The following PTPRN2 variants were observed in gnomAD, a reference collection of about 807,000 sequenced individuals.
The protein encoded by PTPRN2 is receptor-type tyrosine-protein phosphatase N2.
Under a neutral mutation model 118.8 loss-of-function variants are expected in PTPRN2, and 74 were observed. That is an observed-to-expected ratio of 0.62 (90% CI 0.52 to 0.76). The LOEUF is 0.76. Ranked by LOEUF, PTPRN2 falls within the 30% of genes least tolerant of loss-of-function variation. The pLI is 0.00. For synonymous variants in PTPRN2, 641 were observed against 608.0 expected (o/e 1.05, Z -0.80); for missense variants, 1,481 against 1,394.4 (o/e 1.06, Z -0.99).
chr7:157,561,442 C>T (rs922917254), intron 21 of PTPRN2, among the ~76,000 whole-genome samples: 8 of 152,270 alleles, frequency 5.3e-5, no homozygotes, highest in Non-Finnish European at 7.3e-5. Flanking sequence ...GAAGCTGCCC[C>T]TCTGTCCCTG....
intron 2 of PTPRN2, among the ~76,000 whole-genome samples, chr7:158,332,391 TCA>T (rs1804663857): frequency 7.8e-6 from 1 of 128,488 alleles, no homozygotes; most frequent in African/African-American, 2.7e-5. Flanking sequence ...CCTGCAGATG[TCA>T]CTCACACCCA....
intron 21 of PTPRN2, among the ~76,000 whole-genome samples, chr7:157,552,476 G>A (rs1798679295): frequency 6.6e-6 from 1 of 152,064 alleles, no homozygotes; most frequent in Admixed American, 6.6e-5. Context: ...GCGAGATGCT[G>A]ACCTGGACCA....
rs560077852 is a variant in PTPRN2, at chr7:157,658,476, G to A, written c.2002-1925C>T. On this transcript the variant is annotated intron_variant, in intron 13 of 22. Coordinates refer to ENST00000389418, the MANE Select transcript of PTPRN2 (RefSeq NM_002847.5). ...TCTGAGGGATCACTGCAGGGTCTTC[G>A]ACCCTCCTTCCCCAGGCAAAGCTCA... Among the ~76,000 whole-genome samples the A allele has an allele frequency of 7.2e-5, 11 of 152,254 alleles. No homozygotes were observed. The South Asian group carries it at 2.3e-3, about 32-fold the overall frequency.
chr7:158,586,602 C>CG (rs956786277), intron 1 of PTPRN2, among the ~76,000 whole-genome samples: 1 of 152,254 alleles, frequency 6.6e-6, no homozygotes, highest in Non-Finnish European at 1.5e-5. Flanking sequence ...AAGGAGGTGC[C>CG]GGGGACTGGA....
chr7:158,510,962 G>C (rs1823136891), intron 1 of PTPRN2, among the ~76,000 whole-genome samples: 1 of 152,242 alleles, frequency 6.6e-6, no homozygotes, highest in African/African-American at 2.4e-5. Context: ...GGGGATTCCT[G>C]CCACCCATGT....
chr7:158,552,418 G>A (rs1250492470), intron 1 of PTPRN2, among the ~76,000 whole-genome samples: 1 of 152,210 alleles, frequency 6.6e-6, no homozygotes, highest in African/African-American at 2.4e-5. Flanking sequence ...AATACATACT[G>A]TTTTTTAAAA....
chr7:157,627,269 C>T lies in PTPRN2; in HGVS notation c.2197-5760G>A, dbSNP rs1224760855. Among the ~76,000 whole-genome samples, 4 of 152,232 alleles carry T rather than the reference C, an allele frequency of 2.6e-5. No individual in the cohort carries two copies. Among genetic ancestry groups the T allele is most frequent in the Non-Finnish European group, 5.9e-5 (4 of 68,032 alleles). ...TTCACACAGCTCCTTGCTCTGGGCT[C>T]TCCGTCAGTGCCTCTGAGTTGAAGC... is the stretch of plus-strand genomic sequence containing the variant. On this transcript the variant is annotated intron_variant, in intron 14 of 22. Coordinates refer to ENST00000389418, the MANE Select transcript of PTPRN2 (RefSeq NM_002847.5). The surrounding 1 kb of genome is among the most constrained non-coding windows in gnomAD (Gnocchi z 4.2).
At chr7:158,346,953 A>G (rs1807557674) in intron 2 of PTPRN2, among the ~76,000 whole-genome samples, 1 of 151,840 alleles carries the variant, frequency 6.6e-6, no homozygotes, top group African/African-American at 2.4e-5. Flanking sequence ...TGGGTTTTTC[A>G]TTTTCATGCT....
At chr7:158,523,191 G>A (rs1362168511) in intron 1 of PTPRN2, among the ~76,000 whole-genome samples, 2 of 152,180 alleles carry the variant, frequency 1.3e-5, no homozygotes, top group African/African-American at 2.4e-5. Flanking sequence ...ACGGGTTGCA[G>A]CCAGGTTGGG....
At chr7:158,430,590 C>T (rs117737859) in intron 2 of PTPRN2, among the ~76,000 whole-genome samples, 7,683 of 152,294 alleles carry the variant, frequency 0.05, 266 homozygotes, top group Middle Eastern at 0.088. Flanking sequence ...TCCTAATTGA[C>T]AGGGAACATT....
chr7:158,443,644 C>T (rs1190897296), intron 2 of PTPRN2, among the ~76,000 whole-genome samples: 1 of 152,094 alleles, frequency 6.6e-6, no homozygotes, highest in African/African-American at 2.4e-5. Flanking sequence ...GGCAAATCTT[C>T]CTGCCAAGCG....
At chr7:157,757,304 G>A (rs565339153) in intron 12 of PTPRN2, among the ~76,000 whole-genome samples, 5 of 152,300 alleles carry the variant, frequency 3.3e-5, no homozygotes, top group African/African-American at 1.2e-4. Flanking sequence ...CCACGGAGGA[G>A]GAGCACTGAG....
chr7:158,378,028 C>G (rs2151335803), intron 2 of PTPRN2, among the ~76,000 whole-genome samples: 1 of 152,290 alleles, frequency 6.6e-6, no homozygotes, highest in South Asian at 2.1e-4. Context: ...GTCCTGATGC[C>G]AGCTGTGGGT....
intron 2 of PTPRN2, among the ~76,000 whole-genome samples, chr7:158,406,906 A>C (rs897903712): frequency 6.6e-6 from 1 of 152,204 alleles, no homozygotes; most frequent in African/African-American, 2.4e-5. Flanking sequence ...ATCTCTCAAC[A>C]TGGAATCAGG....
At chr7:157,994,309 C>T (rs1804483236) in intron 11 of PTPRN2, among the ~76,000 whole-genome samples, 1 of 152,182 alleles carries the variant, frequency 6.6e-6, no homozygotes, top group African/African-American at 2.4e-5. Flanking sequence ...AGCAAAGTTT[C>T]CTCATATTTC....
chr7:157,948,534 C>A (rs936948524), intron 11 of PTPRN2, among the ~76,000 whole-genome samples: 6 of 152,066 alleles, frequency 3.9e-5, no homozygotes, highest in Non-Finnish European at 5.9e-5. Flanking sequence ...ATTTGAGGAA[C>A]TGAGGAGGAA....
At chr7:158,188,363 G>GT (rs532362951) in intron 5 of PTPRN2, among the ~76,000 whole-genome samples, 2,634 of 11,956 alleles carry the variant, frequency 0.22, 945 homozygotes, top group Middle Eastern at 0.5. Context: ...CTCGCCGCCT[G>GT]ATGGGGAAGG....
At chr7:158,396,654 T>C (rs1449040979) in intron 2 of PTPRN2, among the ~76,000 whole-genome samples, 1 of 150,186 alleles carries the variant, frequency 6.7e-6, no homozygotes, top group Non-Finnish European at 1.5e-5. Flanking sequence ...TCTCACAGGG[T>C]AGGCTTGTGT....
At chr7:158,324,059 GCA>G (rs57802533) in intron 2 of PTPRN2, among the ~76,000 whole-genome samples, 140,819 of 151,116 alleles carry the variant, frequency 0.93, 65,719 homozygotes, top group Non-Finnish European at 0.96. Flanking sequence ...TTGCAAACGT[GCA>G]CACACACACA....
Sources: allele counts gnomAD v4.1 joint callset (sites outside exome capture counted in the v4.1 genomes callset), GRCh38; gene constraint gnomAD v4.1.1; non-coding constraint Gnocchi (gnomAD v3.1); transcripts MANE v1.5; gene names NCBI Gene and HGNC (gene_info 2026-07-23, HGNC 2026-07-21).